Variants in GPC6 observed in about 807,000 individuals in gnomAD.
The protein encoded by GPC6 is glypican-6.
A neutral mutation model predicts 55.2 loss-of-function variants in GPC6; 14 were observed. The ratio of observed to expected loss-of-function variants is 0.25; its 90% CI spans 0.17 to 0.40. The LOEUF (loss-of-function observed/expected upper bound fraction) is 0.40. GPC6 is among the 10% of genes least tolerant of loss of function. The pLI, the probability that GPC6 is intolerant of heterozygous loss-of-function variation, is 1.00. For missense variants in GPC6, 641 were observed against 708.5 expected (o/e 0.90, Z 1.08); for synonymous variants, 278 against 259.6 (o/e 1.07, Z -0.68).
intron 1 of GPC6, among the ~76,000 whole-genome samples, chr13:93,540,180 G>GT (rs1378511225): frequency 6.6e-6 from 1 of 152,078 alleles, no homozygotes; most frequent in Non-Finnish European, 1.5e-5. Flanking sequence ...AGGGCTGCTT[G>GT]TTTTTTCATT....
rs575100206 is a variant in GPC6 at position 93,398,546 on chromosome 13, G to A, written c.161-146717G>A. Among the ~76,000 whole-genome samples the A allele has an allele frequency of 4.6e-5, 7 of 152,308 alleles. No individual in the cohort carries two copies. The East Asian group carries it at 1.2e-3, about 25-fold the overall frequency. On this transcript the variant is annotated intron_variant, in intron 1 of 8. Coordinates refer to ENST00000377047, the MANE Select transcript of GPC6 (RefSeq NM_005708.5). ...TGTGAATCTGCACCCCTTACCCTGA[G>A]CTAGAGCAATAGCCAGGTGAGTGCA...
intron 2 of GPC6, among the ~76,000 whole-genome samples, chr13:93,676,754 C>T (rs1029872156): frequency 1.3e-5 from 2 of 152,104 alleles, no homozygotes; most frequent in Admixed American, 1.3e-4. Context: ...GAATTTGGCT[C>T]ATGTACTACC....
chr13:93,605,584 C>T (rs1878203226), intron 2 of GPC6, among the ~76,000 whole-genome samples: 1 of 151,956 alleles, frequency 6.6e-6, no homozygotes, highest in South Asian at 2.1e-4. Context: ...CGCCTGTAAT[C>T]CCAGCACTTT....
intron 1 of GPC6, among the ~76,000 whole-genome samples, chr13:93,388,493 C>T (rs1198556124): frequency 6.6e-6 from 1 of 152,158 alleles, no homozygotes; most frequent in East Asian, 1.9e-4. Context: ...GTATCATTCA[C>T]CTTCAACTAA....
chr13:93,869,033 C>T (rs1188368824), intron 3 of GPC6, among the ~76,000 whole-genome samples: 5 of 151,800 alleles, frequency 3.3e-5, no homozygotes, highest in Non-Finnish European at 5.9e-5. Flanking sequence ...GGGTACAAGA[C>T]CTTTAACAAT....
At chr13:93,462,365 A>C (rs1186485293) in intron 1 of GPC6, among the ~76,000 whole-genome samples, 1 of 152,108 alleles carries the variant, frequency 6.6e-6, no homozygotes, top group East Asian at 1.9e-4. Flanking sequence ...AAAAAATGCA[A>C]ATTTTCTACC....
At chr13:93,987,705 C>G (rs1881093667) in intron 3 of GPC6, among the ~76,000 whole-genome samples, 1 of 152,176 alleles carries the variant, frequency 6.6e-6, no homozygotes, top group African/African-American at 2.4e-5. Context: ...AGCTTAGACA[C>G]TGTGACCCCC....
chr13:93,267,797 C>T (rs1366498818), intron 1 of GPC6, among the ~76,000 whole-genome samples: 1 of 152,150 alleles, frequency 6.6e-6, no homozygotes, highest in South Asian at 2.1e-4. Flanking sequence ...CATATACCTA[C>T]ATTTTCATCT....
At chr13:94,369,642 A>T (rs1205375168) in intron 6 of GPC6, among the ~76,000 whole-genome samples, 2 of 152,218 alleles carry the variant, frequency 1.3e-5, no homozygotes, top group East Asian at 3.8e-4. Context: ...GAGGTCCCCC[A>T]GGTGTCCATC....
chr13:94,358,142 T>A (rs1479595677), intron 6 of GPC6, among the ~76,000 whole-genome samples: 1 of 151,932 alleles, frequency 6.6e-6, no homozygotes, highest in African/African-American at 2.4e-5. Context: ...ATACAAAAAT[T>A]AGCCTGGTGT....
intron 4 of GPC6, among the ~76,000 whole-genome samples, chr13:94,282,236 T>C (rs1424119206): frequency 6.6e-6 from 1 of 152,162 alleles, no homozygotes; most frequent in Non-Finnish European, 1.5e-5. Context: ...TGACTCACAG[T>C]TCTGCATGGC....
In GPC6 at chr13:93,426,627, C is replaced by T. The variant is rs943438401; in HGVS notation, c.161-118636C>T. On this transcript the variant is annotated intron_variant, in intron 1 of 8. Transcript: ENST00000377047. ...GTATATGTGCCACATTTTCTTAATCCGGTCTATCATTGTTGGACATTTGGG... is the reference window on the plus strand; with the variant it reads ...GTATATGTGCCACATTTTCTTAATCTGGTCTATCATTGTTGGACATTTGGG... 8.3e-3 allele frequency among the ~76,000 whole-genome samples: 1,267 copies of T among 151,984 alleles called. 10 individuals carry two copies. Among genetic ancestry groups the T allele is most frequent in the African/African-American group, 0.028 (1,138 of 41,364 alleles).
At chr13:93,374,205 A>T (rs1874790560) in intron 1 of GPC6, among the ~76,000 whole-genome samples, 1 of 152,246 alleles carries the variant, frequency 6.6e-6, no homozygotes, top group Non-Finnish European at 1.5e-5. Context: ...TGAGGTAAGT[A>T]AAGTACTTTC....
chr13:93,876,179 TTGCTTCATATAATAAA>T (rs72259362), intron 3 of GPC6, among the ~76,000 whole-genome samples: 28,534 of 151,190 alleles, frequency 0.19, 3,428 homozygotes, highest in Non-Finnish European at 0.26. Context: ...TTTTTGTGCA[TTGCTTCATATAATAAA>T]TGCTTCATAT....
At chr13:93,242,764 A>G (rs952027606) in intron 1 of GPC6, among the ~76,000 whole-genome samples, 1 of 152,086 alleles carries the variant, frequency 6.6e-6, no homozygotes, top group African/African-American at 2.4e-5. Flanking sequence ...TGTCCCACAG[A>G]GTGCTCCCTT....
chr13:93,705,843 G>A (rs557160031), intron 2 of GPC6, among the ~76,000 whole-genome samples: 1 of 149,952 alleles, frequency 6.7e-6, no homozygotes, highest in Admixed American at 6.7e-5. Flanking sequence ...CTTCCTAAGA[G>A]TAAGTTGTTT....
At chr13:93,292,626 A>G (rs533042621) in intron 1 of GPC6, among the ~76,000 whole-genome samples, 17 of 152,282 alleles carry the variant, frequency 1.1e-4, no homozygotes, top group Admixed American at 2.0e-4. Flanking sequence ...ATTTACACAG[A>G]GTGTATTGAT....
intron 2 of GPC6, among the ~76,000 whole-genome samples, chr13:93,623,641 G>A (rs1170919869): frequency 1.3e-5 from 2 of 151,784 alleles, no homozygotes; most frequent in East Asian, 1.9e-4. Context: ...TGTATTTTTA[G>A]TAGAGGCAGG....
chr13:93,345,578 T>C (rs1022539549), intron 1 of GPC6, among the ~76,000 whole-genome samples: 1 of 152,144 alleles, frequency 6.6e-6, no homozygotes, highest in African/African-American at 2.4e-5. Context: ...ATATATTTTG[T>C]AATGTATTTG....
Sources: gnomAD v4.1 joint callset for allele counts (sites outside exome capture counted in the v4.1 genomes callset) on GRCh38, gnomAD v4.1.1 for gene constraint, MANE v1.5 for transcripts, NCBI Gene and HGNC (gene_info 2026-07-23, HGNC 2026-07-21) for gene names.